The following P2RY12 variants were observed in gnomAD, a reference collection of about 807,000 sequenced individuals.
The protein encoded by P2RY12 is P2Y purinoceptor 12.
Under a neutral mutation model 4.5 loss-of-function variants are expected in P2RY12, and 3 were observed. The ratio of observed to expected loss-of-function variants is 0.67; its 90% CI spans 0.31 to 1.74. P2RY12 has a LOEUF of 1.74. Ranked by LOEUF, P2RY12 falls within the 40% of genes most tolerant of loss-of-function variation. The probability of loss-of-function intolerance (pLI) is 0.09; values close to 1 mark genes in which losing one functional copy is unlikely to be tolerated. For missense variants in P2RY12, 356 were observed against 407.8 expected (o/e 0.87, Z 1.09); for synonymous variants, 148 against 154.1 (o/e 0.96, Z 0.29).
rs1280763142 is a variant in P2RY12 at position 151,366,105 on chromosome 3, A to AT, written c.-180+18586dup. On this transcript the variant is annotated intron_variant, in intron 1 of 2. Transcript: ENST00000302632. ...TGATTCAACTGAAATGTTATAAAATATTTTTTCTTTCTCTGTCCAAAAGCA... is the reference window on the plus strand; with the variant it reads ...TGATTCAACTGAAATGTTATAAAATATTTTTTTCTTTCTCTGTCCAAAAGCA... The AT allele has an allele frequency of 5.3e-6, 5 of 945,668 alleles. No homozygotes were observed. In the Middle Eastern group the frequency reaches 9.4e-4, roughly 178 times the overall value. 58.6% of individuals were successfully genotyped at this position (945,668 alleles called of 1,614,324 possible).
chr3:151,354,830 T>C (rs1753712393), intron 1 of P2RY12, among the ~76,000 whole-genome samples: 1 of 152,208 alleles, frequency 6.6e-6, no homozygotes, highest in Non-Finnish European at 1.5e-5. Flanking sequence ...ATATACTATA[T>C]GATTTCCTTT....
At chr3:151,353,518 A>C (rs912299424) in intron 1 of P2RY12, among the ~76,000 whole-genome samples, 1 of 152,230 alleles carries the variant, frequency 6.6e-6, no homozygotes, top group Non-Finnish European at 1.5e-5. Context: ...CAGCACCTTT[A>C]AATTCTGATG....
Position 151,337,393 on chromosome 3 carries a change from T to C in P2RY12, c.*424A>G, listed in dbSNP as rs547878830. 2 of 186,566 alleles carry C rather than the reference T, an allele frequency of 1.1e-5. No homozygotes were observed. The highest frequency in any genetic ancestry group is 4.8e-5 in the African/African-American group (2 of 41,804). 11.6% of individuals were successfully genotyped at this position (186,566 alleles called of 1,614,324 possible). A position where few individuals can be genotyped will look rare whatever the true frequency, so the allele number is the denominator to read the frequency against. On this transcript the variant is annotated 3_prime_UTR_variant, in exon 3 of 3. Coordinates refer to ENST00000302632, the MANE Select transcript of P2RY12 (RefSeq NM_022788.5). ...TTTGGTTAGGGGACTAGGATATATA[T>C]ACATTTTAACTATCATTTTTGGTAA... is the stretch of plus-strand genomic sequence containing the variant.
chr3:151,373,856 T>A (rs1756492457), intron 1 of P2RY12, among the ~76,000 whole-genome samples: 1 of 152,202 alleles, frequency 6.6e-6, no homozygotes, highest in Admixed American at 6.6e-5. Flanking sequence ...CCCTTGGTTC[T>A]ATTTAGCAGA....
intron 1 of P2RY12, among the ~76,000 whole-genome samples, chr3:151,374,196 G>C (rs1756535842): frequency 6.6e-6 from 1 of 151,060 alleles, no homozygotes. Context: ...GGCCGGGCAT[G>C]TTAAATGTGC....
chr3:151,365,090 C>G lies in P2RY12; in HGVS notation c.-180+19602G>C, dbSNP rs779422230. 8.1e-6 allele frequency: 13 copies of G among 1,614,082 alleles called. No individual in the cohort carries two copies. In the South Asian group the frequency reaches 1.4e-4, roughly 18 times the overall value. On this transcript the variant is annotated intron_variant, in intron 1 of 2. Transcript: ENST00000302632. Reference sequence around the variant, plus strand: ...TGGATTTTATTGAGAATCCCTCAGCCCGCAGCATCAACTACTCAATGCTGG... The same window carrying G: ...TGGATTTTATTGAGAATCCCTCAGCGCGCAGCATCAACTACTCAATGCTGG...
chr3:151,359,930 T>C (rs185126371), intron 1 of P2RY12, among the ~76,000 whole-genome samples: 1 of 152,238 alleles, frequency 6.6e-6, no homozygotes, highest in East Asian at 1.9e-4. Flanking sequence ...TTTATCTTCT[T>C]ATATAAGATA....
chr3:151,357,422 A>G (rs775003916), intron 1 of P2RY12: 8 of 1,486,928 alleles, frequency 5.4e-6, no homozygotes, highest in East Asian at 4.6e-5. Context: ...CTCAGAATGT[A>G]TAACTAGTGA....
chr3:151,370,767 G>T (rs1192100907), intron 1 of P2RY12, among the ~76,000 whole-genome samples: 1 of 152,168 alleles, frequency 6.6e-6, no homozygotes, highest in African/African-American at 2.4e-5. Flanking sequence ...AGCTAGCAAA[G>T]AATCAGTTTT....
In P2RY12 at chr3:151,341,300, G is replaced by A. The variant is rs189820784; in HGVS notation, c.-179-540C>T. Among the ~76,000 whole-genome samples, 38 of 152,130 alleles carry A rather than the reference G, an allele frequency of 2.5e-4. No homozygotes were observed. In the East Asian group the frequency reaches 6.6e-3, roughly 26 times the overall value. ...AACAGCTTCCTTCTATTATAAATTA[G>A]CAGATTCCAAAATTACATTAGAGAA... On this transcript the variant is annotated intron_variant, in intron 1 of 2. Transcript: ENST00000302632.
chr3:151,350,053 T>A, intron 1 of P2RY12: 1 of 1,607,144 alleles, frequency 6.2e-7, no homozygotes, highest in Non-Finnish European at 8.5e-7. Context: ...ATTTTCTGTT[T>A]TTCAGGATGA....
At chr3:151,369,713 A>G (rs1755947401) in intron 1 of P2RY12, among the ~76,000 whole-genome samples, 1 of 151,920 alleles carries the variant, frequency 6.6e-6, no homozygotes, top group Non-Finnish European at 1.5e-5. Context: ...AATACATCAG[A>G]CTCTGGAAGA....
intron 1 of P2RY12, chr3:151,383,983 T>C: frequency 1.3e-6 from 2 of 1,485,834 alleles, no homozygotes; most frequent in East Asian, 4.7e-5. Flanking sequence ...CTTATTTACT[T>C]GGATGCTATT....
intron 1 of P2RY12, among the ~76,000 whole-genome samples, chr3:151,380,487 C>T (rs186284049): frequency 1.5e-3 from 233 of 151,656 alleles, no homozygotes; most frequent in Non-Finnish European, 2.9e-3. Context: ...ATCCCAGCTA[C>T]TCGGGAGGCC....
intron 1 of P2RY12, chr3:151,365,023 T>A: frequency 6.2e-7 from 1 of 1,614,104 alleles, no homozygotes; most frequent in Non-Finnish European, 8.5e-7. Flanking sequence ...AATAACGTGA[T>A]GCCTGCAAAT....
At chr3:151,356,142 G>A in intron 1 of P2RY12, 4 of 1,241,638 alleles carry the variant, frequency 3.2e-6, no homozygotes, top group Non-Finnish European at 3.3e-6. Flanking sequence ...GCTTGTGCTT[G>A]TAATCCTGGC....
Position 151,338,827 on chromosome 3 carries a change from G to C in P2RY12, c.19C>G (p.Leu7Val). Reference protein sequence around the residue: MQAVDNLTSAPGNTSLC... With the variant: MQAVDNVTSAPGNTSLC... ...CTGGTGTTACCAGGCGCAGAGGTGA[G>C]GTTGTCGACGGCTTGCATTTCTTGT... The change falls in exon 3 of 3, where the codon CTC (leucine) becomes GTC (valine). Residue 7 changes from leucine (L) to valine (V), a missense_variant. Coordinates refer to ENST00000302632, the MANE Select transcript of P2RY12 (RefSeq NM_022788.5). The C allele has an allele frequency of 6.2e-7, 1 of 1,613,762 alleles. No individual in the cohort carries two copies. The highest frequency in any genetic ancestry group is 1.1e-5 in the South Asian group (1 of 91,056).
At chr3:151,375,037 G>A (rs1310858270) in intron 1 of P2RY12, among the ~76,000 whole-genome samples, 1 of 152,204 alleles carries the variant, frequency 6.6e-6, no homozygotes, top group African/African-American at 2.4e-5. Flanking sequence ...TATAACTATG[G>A]TAAAAGATAG....
intron 1 of P2RY12, chr3:151,360,600 C>G (rs762879011): frequency 7.3e-5 from 117 of 1,611,662 alleles, no homozygotes; most frequent in Non-Finnish European, 9.6e-5. Flanking sequence ...TTGGAGACCT[C>G]TTCAGGTGAG....
Sources: gnomAD v4.1 joint callset for allele counts (sites outside exome capture counted in the v4.1 genomes callset) on GRCh38, gnomAD v4.1.1 for gene constraint, MANE v1.5 for transcripts, NCBI Gene and HGNC (gene_info 2026-07-23, HGNC 2026-07-21) for gene names.